Variants in ACCSL observed in about 807,000 individuals in gnomAD.
ACCSL encodes the protein probable inactive 1-aminocyclopropane-1-carboxylate synthase-like protein 2.
A neutral mutation model predicts 61.7 loss-of-function variants in ACCSL; 55 were observed. The observed-to-expected ratio is 0.89, with a 90% CI of 0.72 to 1.12. The LOEUF (loss-of-function observed/expected upper bound fraction) is 1.12. Ranked by LOEUF, ACCSL falls within the 50% of genes most tolerant of loss-of-function variation. The probability of loss-of-function intolerance (pLI) is 0.00; values close to 1 mark genes in which losing one functional copy is unlikely to be tolerated. For missense variants in ACCSL, 632 were observed against 698.0 expected (o/e 0.91, Z 1.07); for synonymous variants, 258 against 264.3 (o/e 0.98, Z 0.23).
At position 44,051,654 on chromosome 11, in the gene ACCSL, TG is replaced by T; in HGVS notation, c.709del (p.Val237TrpfsTer3). On this transcript the variant is annotated frameshift_variant and splice_region_variant, in exon 5 of 14. Coordinates refer to ENST00000378832, the MANE Select transcript of ACCSL (RefSeq NM_001031854.2). LOFTEE classifies it high-confidence loss of function. ...CTGCCTCTCATGTGTTGTCTTCAGG[TG>T]GTGGTTCTAAATGGCTGCTGCTCTG... Reference protein sequence around the residue: ...RAPTRLDPENVVVLNGCCSVF... With the variant: ...RAPTRLDPENXVVLNGCCSVF... 6.2e-7 allele frequency: 1 copy of T among 1,614,080 alleles called. No homozygotes were observed.
At chr11:43,947,276 A>G in the ACCSL span, 1 of 152,164 alleles carries the variant, frequency 6.6e-6, no homozygotes, top group East Asian at 1.9e-4. Context: ...TGACGGATCC[A>G]CCCTTATGAC....
At chr11:44,052,174 T>A (rs1952643657) in intron 5 of ACCSL, among the ~76,000 whole-genome samples, 1 of 152,244 alleles carries the variant, frequency 6.6e-6, no homozygotes, top group African/African-American at 2.4e-5. Flanking sequence ...TCTGGATGCA[T>A]CAAAAGAAGT....
chr11:43,991,315 G>T, the ACCSL span, among the ~76,000 whole-genome samples: 1,820 of 152,334 alleles, frequency 0.012, 17 homozygotes, highest in East Asian at 0.03. Context: ...TTTGTCATCT[G>T]CAAAATGAGA....
chr11:43,933,075 TCTC>T, the ACCSL span: 1 of 455,890 alleles, frequency 2.2e-6, no homozygotes, highest in Non-Finnish European at 4.4e-6. Flanking sequence ...GCTGCCCTCT[TCTC>T]TGTTTTTCCA....
chr11:43,966,179 A>C, the ACCSL span, among the ~76,000 whole-genome samples: 1 of 152,232 alleles, frequency 6.6e-6, no homozygotes, highest in African/African-American at 2.4e-5. Context: ...TAATCCCAGC[A>C]CTTTGGGAGG....
the ACCSL span, among the ~76,000 whole-genome samples, chr11:43,975,916 C>CTTAA: frequency 1.2e-4 from 19 of 152,182 alleles, no homozygotes; most frequent in East Asian, 1.9e-4. Flanking sequence ...CAGTCTGGAT[C>CTTAA]TTAATTAATT....
At chr11:43,948,468 C>CTTTA in the ACCSL span, among the ~76,000 whole-genome samples, 548 of 151,984 alleles carry the variant, frequency 3.6e-3, 2 homozygotes, top group African/African-American at 7.3e-3. Context: ...GGTTGCAACC[C>CTTTA]TTTATTTATT....
At chr11:43,977,762 A>G in the ACCSL span, among the ~76,000 whole-genome samples, 1 of 152,192 alleles carries the variant, frequency 6.6e-6, no homozygotes, top group Non-Finnish European at 1.5e-5. Context: ...TCTGAATCTA[A>G]TAGTAGCCTC....
At chr11:43,981,409 G>A in the ACCSL span, among the ~76,000 whole-genome samples, 2 of 152,180 alleles carry the variant, frequency 1.3e-5, no homozygotes, top group Admixed American at 6.5e-5. Flanking sequence ...CTTGCAGCAA[G>A]AGGCACAAGT....
chr11:43,946,283 G>A, the ACCSL span, among the ~76,000 whole-genome samples: 2 of 152,012 alleles, frequency 1.3e-5, no homozygotes, highest in Non-Finnish European at 2.9e-5. Flanking sequence ...ATTTTTAGTA[G>A]AGATAAGTTT....
chr11:43,997,094 AG>A, the ACCSL span, among the ~76,000 whole-genome samples: 11 of 152,068 alleles, frequency 7.2e-5, no homozygotes, highest in Admixed American at 7.2e-4. Context: ...TACAGGCATG[AG>A]CCACTCCTGG....
In ACCSL at chr11:44,056,261, T is replaced by C. The variant is rs757488991; in HGVS notation, c.1262T>C (p.Phe421Ser). Reference sequence around the variant, plus strand: ...GAGGTGGCCTCTGCTGTGAGTGCCTTTGGCTACCTCCACAGTATTTCTGGC... The same window carrying C: ...GAGGTGGCCTCTGCTGTGAGTGCCTCTGGCTACCTCCACAGTATTTCTGGC... ...NKEVASAVSA[F>S]GYLHSISGIT... is the part of the protein sequence containing the mutation. The change falls in exon 11 of 14, where the codon TTT (phenylalanine) becomes TCT (serine). Residue 421 changes from phenylalanine to serine, a missense_variant. By Grantham distance (155) the Phe-to-Ser change is radical (BLOSUM62 -2). Transcript: ENST00000378832. 6.2e-7 allele frequency: 1 copy of C among 1,614,114 alleles called. No homozygotes were observed. The highest frequency in any genetic ancestry group is 1.7e-5 in the Admixed American group (1 of 60,012).
the ACCSL span, among the ~76,000 whole-genome samples, chr11:43,942,075 T>TGTGTGTGC: frequency 7.2e-6 from 1 of 139,010 alleles, no homozygotes; most frequent in African/African-American, 2.7e-5. Flanking sequence ...TGTGTGTGTG[T>TGTGTGTGC]GCGCGCGCGC....
chr11:43,978,212 G>A, the ACCSL span, among the ~76,000 whole-genome samples: 2 of 151,860 alleles, frequency 1.3e-5, no homozygotes, highest in South Asian at 4.2e-4. Context: ...ATTTCGTCAT[G>A]TTGGCCAGGC....
At chr11:44,010,513 G>A in the ACCSL span, among the ~76,000 whole-genome samples, 1 of 152,120 alleles carries the variant, frequency 6.6e-6, no homozygotes. Flanking sequence ...GGCAAAACTT[G>A]AATTGACCCC....
intron 13 of ACCSL, among the ~76,000 whole-genome samples, chr11:44,059,048 C>T (rs111288473): frequency 0.089 from 13,613 of 152,134 alleles, 782 homozygotes; most frequent in Non-Finnish European, 0.11. Context: ...CCAGACCAGC[C>T]TGGCCAGCAT....
chr11:43,943,536 C>A, the ACCSL span: 1 of 1,326,258 alleles, frequency 7.5e-7, no homozygotes, highest in Non-Finnish European at 1.0e-6. The surrounding 1 kb of genome is among the most constrained non-coding windows in gnomAD (Gnocchi z 4.8). Context: ...AGTGCGAACT[C>A]TGCTGTGAGT....
chr11:43,962,933 G>T, the ACCSL span, among the ~76,000 whole-genome samples: 2 of 152,174 alleles, frequency 1.3e-5, no homozygotes, highest in Admixed American at 6.5e-5. Flanking sequence ...TCCTGGCAGG[G>T]GAAGATGTTC....
At chr11:44,030,932 C>T in the ACCSL span, among the ~76,000 whole-genome samples, 3 of 152,122 alleles carry the variant, frequency 2.0e-5, no homozygotes, top group South Asian at 2.1e-4. Context: ...GTTTTATACA[C>T]GGGGAAACTG....
Sources: allele counts gnomAD v4.1 joint callset (sites outside exome capture counted in the v4.1 genomes callset), GRCh38; gene constraint gnomAD v4.1.1; non-coding constraint Gnocchi (gnomAD v3.1); transcripts MANE v1.5; gene names NCBI Gene and HGNC (gene_info 2026-07-23, HGNC 2026-07-21).